The following CDC42BPA variants were observed in gnomAD, a reference collection of about 807,000 sequenced individuals.
CDC42BPA encodes CDC42 binding protein kinase alpha, also known as serine/threonine-protein kinase MRCK alpha.
CDC42BPA carries 80 observed loss-of-function variants against 223.5 expected under a neutral mutation model. That is an observed-to-expected ratio of 0.36 (90% CI 0.30 to 0.43). CDC42BPA has a LOEUF of 0.43. Among genes scored for constraint, CDC42BPA ranks in the 20% least tolerant of loss-of-function variants. CDC42BPA has a pLI of 1.00. For synonymous variants in CDC42BPA, 694 were observed against 718.6 expected (o/e 0.97, Z 0.55); for missense variants, 1,743 against 2,099.9 (o/e 0.83, Z 3.32).
chr1:226,999,377 C>T (rs967742484), intron 35 of CDC42BPA, among the ~76,000 whole-genome samples: 1 of 152,056 alleles, frequency 6.6e-6, no homozygotes, highest in Non-Finnish European at 1.5e-5. Flanking sequence ...AGGTTTTCAC[C>T]ATCTTAGCAA....
intron 2 of CDC42BPA, chr1:227,234,653 C>T (rs1415307631): frequency 6.6e-5 from 10 of 152,238 alleles, no homozygotes; most frequent in Admixed American, 6.5e-4. Flanking sequence ...AGCCTGAAGA[C>T]CCTATTCTAT....
At chr1:227,005,360 A>AT (rs1486475624) in intron 34 of CDC42BPA, among the ~76,000 whole-genome samples, 1 of 152,114 alleles carries the variant, frequency 6.6e-6, no homozygotes, top group Non-Finnish European at 1.5e-5. Context: ...AAAAAACAGC[A>AT]TTTTTTTGTT....
intron 1 of CDC42BPA, among the ~76,000 whole-genome samples, chr1:227,310,210 TC>T (rs1326776200): frequency 6.6e-6 from 1 of 152,210 alleles, no homozygotes; most frequent in African/African-American, 2.4e-5. Context: ...CTTCATAAAT[TC>T]TAGGATAATC....
chr1:227,183,210 A>T (rs1279344545), intron 5 of CDC42BPA: 1 of 152,200 alleles, frequency 6.6e-6, no homozygotes, highest in Non-Finnish European at 1.5e-5. Context: ...ACATGTGTGT[A>T]CATGTATAGT....
chr1:227,190,436 G>C (rs1366891404), intron 5 of CDC42BPA, among the ~76,000 whole-genome samples: 2 of 152,168 alleles, frequency 1.3e-5, no homozygotes, highest in African/African-American at 4.8e-5. Context: ...GTTAAATAAG[G>C]ATTAGAACTG....
chr1:227,084,545 A>AT (rs34394607), intron 16 of CDC42BPA, among the ~76,000 whole-genome samples: 15 of 145,878 alleles, frequency 1.0e-4, no homozygotes, highest in East Asian at 5.9e-4. Context: ...AAAAAAAAAA[A>AT]TTTTTTTTTC....
chr1:227,056,219 A>G (rs1674519145), intron 21 of CDC42BPA, among the ~76,000 whole-genome samples: 2 of 152,178 alleles, frequency 1.3e-5, no homozygotes, highest in South Asian at 2.1e-4. Context: ...ACAGATTTGC[A>G]CAAGTAACAA....
At chr1:227,205,649 A>G (rs1483699297) in intron 3 of CDC42BPA, among the ~76,000 whole-genome samples, 3 of 152,158 alleles carry the variant, frequency 2.0e-5, no homozygotes, top group Non-Finnish European at 4.4e-5. Flanking sequence ...TAATAAAACA[A>G]TAGGCATAAA....
intron 34 of CDC42BPA, among the ~76,000 whole-genome samples, chr1:227,007,222 A>G (rs1664282381): frequency 6.6e-6 from 1 of 152,244 alleles, no homozygotes; most frequent in Non-Finnish European, 1.5e-5. Flanking sequence ...TGTTCTCTTC[A>G]TAGAATGCTA....
intron 11 of CDC42BPA, among the ~76,000 whole-genome samples, chr1:227,126,503 GGAAGGAAGGAAGGAAGGT>G (rs1689648889): frequency 9.8e-6 from 1 of 102,232 alleles, no homozygotes; most frequent in Non-Finnish European, 2.1e-5. Flanking sequence ...AAGGAAGGAA[GGAAGGAAGGAAGGAAGGT>G]AAGAAAGGAA....
At chr1:227,197,600 T>C (rs774733520) in intron 4 of CDC42BPA, among the ~76,000 whole-genome samples, 1 of 152,130 alleles carries the variant, frequency 6.6e-6, no homozygotes, top group Middle Eastern at 3.2e-3. Context: ...CTTTTTTTGC[T>C]ATATAAAATT....
At chr1:227,160,666 T>G in intron 5 of CDC42BPA, 30 bp from the exon 6 acceptor site, 1 of 1,216,378 alleles carries the variant, frequency 8.2e-7, no homozygotes, top group South Asian at 1.4e-5. Flanking sequence ...CAATTTTTAG[T>G]GGAAAAATAA....
chr1:227,282,865 T>C (rs1245949657), intron 1 of CDC42BPA, among the ~76,000 whole-genome samples: 1 of 152,216 alleles, frequency 6.6e-6, no homozygotes, highest in Non-Finnish European at 1.5e-5. Context: ...TCATTTTTAA[T>C]GAGTACAGTT....
At chr1:227,280,797 T>C (rs1023157044) in intron 1 of CDC42BPA, among the ~76,000 whole-genome samples, 11 of 152,222 alleles carry the variant, frequency 7.2e-5, no homozygotes, top group Admixed American at 6.5e-5. Flanking sequence ...TGTTTCCTAA[T>C]AGGGATCGTC....
At chr1:227,039,976 A>C (rs893937162) in intron 24 of CDC42BPA, among the ~76,000 whole-genome samples, 155 bp downstream of exon 24, 1 of 152,242 alleles carries the variant, frequency 6.6e-6, no homozygotes, top group African/African-American at 2.4e-5. Flanking sequence ...AGTTTCTCGA[A>C]CATTCAACAG....
At chr1:227,109,043 A>G (rs184673977) in intron 14 of CDC42BPA, among the ~76,000 whole-genome samples, 39 of 152,330 alleles carry the variant, frequency 2.6e-4, no homozygotes, top group Admixed American at 1.9e-3. Flanking sequence ...TATGTCGCAT[A>G]TAAATATGGT....
chr1:227,118,684 A>G (rs1265551483), intron 12 of CDC42BPA, among the ~76,000 whole-genome samples: 2 of 152,152 alleles, frequency 1.3e-5, no homozygotes, highest in Non-Finnish European at 2.9e-5. Context: ...TCAGAAGAGT[A>G]GAAAGCAGGA....
rs1669090894 is a variant in CDC42BPA, at chr1:227,030,533, C to A, written c.3776-63G>T. 4 of 970,382 alleles carry A rather than the reference C, an allele frequency of 4.1e-6. No individual in the cohort carries two copies. The South Asian group carries it at 6.0e-5, about 15-fold the overall frequency. The allele number at this position is 970,382 out of a possible 1,614,324, so 60.1% of individuals were successfully genotyped here. A position where few individuals can be genotyped will look rare whatever the true frequency, so the allele number is the denominator to read the frequency against. On this transcript the variant is annotated intron_variant, in intron 28 of 36. Transcript: ENST00000366766. Reference sequence around the variant, plus strand: ...AAAAAACCATGTAATGCTAATAAACCAGATGATAAGAACATTTGGTGCAAA... The same window carrying A: ...AAAAAACCATGTAATGCTAATAAACAAGATGATAAGAACATTTGGTGCAAA...
intron 35 of CDC42BPA, among the ~76,000 whole-genome samples, chr1:226,999,767 C>G (rs961558994): frequency 6.6e-6 from 1 of 151,936 alleles, no homozygotes; most frequent in African/African-American, 2.4e-5. Flanking sequence ...TACTATGCAA[C>G]CATAAAAAAG....
Sources: allele counts gnomAD v4.1 joint callset (sites outside exome capture counted in the v4.1 genomes callset), GRCh38; gene constraint gnomAD v4.1.1; transcripts MANE v1.5; gene names NCBI Gene and HGNC (gene_info 2026-07-23, HGNC 2026-07-21).